Variants in SSBP2 observed in about 807,000 individuals in gnomAD.
SSBP2 encodes the protein single-stranded DNA-binding protein 2.
SSBP2 carries 17 observed loss-of-function variants against 61.8 expected under a neutral mutation model. The ratio of observed to expected loss-of-function variants is 0.28; its 90% CI spans 0.19 to 0.41. SSBP2 has a LOEUF of 0.41. Ranked by LOEUF, SSBP2 falls within the 10% of genes least tolerant of loss-of-function variation. The probability of loss-of-function intolerance (pLI) is 1.00; values close to 1 mark genes in which losing one functional copy is unlikely to be tolerated. For missense variants in SSBP2, 310 were observed against 458.7 expected, an observed-to-expected ratio of 0.68 and a Z score of 2.96; for synonymous variants, 139 against 141.3, an observed-to-expected ratio of 0.98 and a Z score of 0.12.
chr5:81,468,854 A>G (rs1765061919), intron 8 of SSBP2, among the ~76,000 whole-genome samples: 1 of 152,006 alleles, frequency 6.6e-6, no homozygotes, highest in Non-Finnish European at 1.5e-5. Flanking sequence ...ATTTCTGTTC[A>G]CACTTGAGAC....
intron 4 of SSBP2, among the ~76,000 whole-genome samples, chr5:81,565,680 C>T (rs1482292269): frequency 6.6e-6 from 1 of 152,084 alleles, no homozygotes; most frequent in Non-Finnish European, 1.5e-5. Flanking sequence ...CAAGAAAGAA[C>T]CAACCGTATC....
intron 16 of SSBP2, 126 bp downstream of exon 16, chr5:81,428,459 T>C: frequency 1.6e-6 from 1 of 633,150 alleles, no homozygotes; most frequent in East Asian, 2.8e-5. Flanking sequence ...TTAAAGTTTC[T>C]CTTATCTAAA....
intron 4 of SSBP2, among the ~76,000 whole-genome samples, chr5:81,603,374 C>T (rs1455145823): frequency 6.6e-6 from 1 of 152,202 alleles, no homozygotes; most frequent in Admixed American, 6.5e-5. Flanking sequence ...CAAGAAGGCA[C>T]AGCCAGAAAG....
At chr5:81,650,082 T>C (rs984616997) in intron 2 of SSBP2, among the ~76,000 whole-genome samples, 185 bp downstream of exon 2, 12 of 151,976 alleles carry the variant, frequency 7.9e-5, no homozygotes, top group African/African-American at 2.9e-4. Flanking sequence ...GAAGATTGAG[T>C]GGCACAGAAG....
In SSBP2 at chr5:81,664,076, CTTGT is replaced by C. The variant is rs113922959; in HGVS notation, c.63-13741_63-13738del. Among the ~76,000 whole-genome samples the C allele has an allele frequency of 1.9e-3, 281 of 150,636 alleles. 1 individual carries two copies. Among genetic ancestry groups the C allele is most frequent in the African/African-American group, 6.6e-3 (270 of 41,024 alleles). ...AACTACTATAATGTACATTTTCTGT[CTTGT>C]TTATCTCTGTATGTACTTTTTTAAC... is the stretch of plus-strand genomic sequence containing the variant. On this transcript the variant is annotated intron_variant, in intron 1 of 16. Coordinates refer to ENST00000320672, the MANE Select transcript of SSBP2 (RefSeq NM_012446.5).
At chr5:81,638,587 T>A (rs970718188) in intron 2 of SSBP2, among the ~76,000 whole-genome samples, 1 of 151,856 alleles carries the variant, frequency 6.6e-6, no homozygotes, top group East Asian at 1.9e-4. Flanking sequence ...TGCTATTATT[T>A]TTTTTTTCTT....
intron 4 of SSBP2, among the ~76,000 whole-genome samples, chr5:81,570,536 G>A (rs1016016988): frequency 3.3e-5 from 5 of 152,082 alleles, no homozygotes; most frequent in Non-Finnish European, 5.9e-5. Context: ...GTACAGTGAC[G>A]ACCAATCAGA....
At chr5:81,434,656 A>AAAAG (rs1762560044) in intron 15 of SSBP2, among the ~76,000 whole-genome samples, 1 of 151,190 alleles carries the variant, frequency 6.6e-6, no homozygotes, top group Non-Finnish European at 1.5e-5. Flanking sequence ...AAAAAAAAAA[A>AAAAG]AGACACAAAA....
intron 16 of SSBP2, among the ~76,000 whole-genome samples, chr5:81,425,332 CA>C (rs1454686333): frequency 6.6e-6 from 1 of 152,038 alleles, no homozygotes; most frequent in Non-Finnish European, 1.5e-5. Flanking sequence ...CTGAGCTAAA[CA>C]AAAGTGACAT....
Position 81,446,444 on chromosome 5 carries a change from ACTT to A in SSBP2, c.778+421_778+423del, listed in dbSNP as rs1231073970. Among the ~76,000 whole-genome samples the A allele has an allele frequency of 4.6e-5, 7 of 151,326 alleles. No individual in the cohort carries two copies. In the South Asian group the frequency reaches 6.2e-4, roughly 13 times the overall value. On this transcript the variant is annotated intron_variant, in intron 12 of 16. Coordinates refer to ENST00000320672, the MANE Select transcript of SSBP2 (RefSeq NM_012446.5). Reference sequence around the variant, plus strand: ...ATGTAGGGTAAATAATACTGTAAGTACTTCTTCATCCTTCATTCATCTTAGTAA... The same window carrying A: ...ATGTAGGGTAAATAATACTGTAAGTACTTCATCCTTCATTCATCTTAGTAA...
chr5:81,738,347 A>G (rs1756762582), intron 1 of SSBP2, among the ~76,000 whole-genome samples: 1 of 152,152 alleles, frequency 6.6e-6, no homozygotes, highest in Admixed American at 6.5e-5. Flanking sequence ...GAAATAATAA[A>G]CTAAACCTTG....
intron 2 of SSBP2, among the ~76,000 whole-genome samples, chr5:81,640,409 G>C (rs1343450504): frequency 6.6e-6 from 1 of 151,772 alleles, no homozygotes; most frequent in Non-Finnish European, 1.5e-5. Flanking sequence ...AAAATTCCAG[G>C]GATTAAGGAA....
intron 1 of SSBP2, among the ~76,000 whole-genome samples, chr5:81,741,051 T>C (rs186936233): frequency 7.3e-4 from 110 of 150,696 alleles, no homozygotes; most frequent in African/African-American, 2.2e-3. Flanking sequence ...TGAGTCAAAA[T>C]AGTTAAAATG....
chr5:81,512,511 A>G (rs1282889339), intron 5 of SSBP2, among the ~76,000 whole-genome samples: 1 of 152,148 alleles, frequency 6.6e-6, no homozygotes, highest in Non-Finnish European at 1.5e-5. Flanking sequence ...CTATTCCTAG[A>G]TTATAAGATA....
At chr5:81,504,512 T>C (rs2154074722) in intron 5 of SSBP2, among the ~76,000 whole-genome samples, 1 of 152,334 alleles carries the variant, frequency 6.6e-6, no homozygotes, top group South Asian at 2.1e-4. Flanking sequence ...TTGCACTTGT[T>C]TGTCCCTTAA....
chr5:81,444,257 C>T (rs924692968), intron 12 of SSBP2, among the ~76,000 whole-genome samples: 1 of 152,184 alleles, frequency 6.6e-6, no homozygotes, highest in African/African-American at 2.4e-5. Flanking sequence ...ATACTCCTGT[C>T]AACCCAGGCT....
intron 4 of SSBP2, chr5:81,614,966 C>CT (rs1298024798): frequency 6.6e-6 from 1 of 152,570 alleles, no homozygotes; most frequent in African/African-American, 2.4e-5. Flanking sequence ...GAATCTTCTA[C>CT]TCTTGTCTGG....
chr5:81,489,456 T>C, intron 5 of SSBP2, 147 bp from the exon 6 acceptor site: 2 of 621,096 alleles, frequency 3.2e-6, no homozygotes, highest in Non-Finnish European at 5.2e-6. Context: ...AATAAATGCT[T>C]TTAAGAAAAA....
At chr5:81,421,349 T>C (rs1189736454) in intron 16 of SSBP2, among the ~76,000 whole-genome samples, 1 of 152,110 alleles carries the variant, frequency 6.6e-6, no homozygotes, top group Non-Finnish European at 1.5e-5. Flanking sequence ...CACGCCACCA[T>C]GCATGGCTAA....
Sources: allele counts gnomAD v4.1 joint callset (sites outside exome capture counted in the v4.1 genomes callset), GRCh38; gene constraint gnomAD v4.1.1; transcripts MANE v1.5; gene names NCBI Gene and HGNC (gene_info 2026-07-23, HGNC 2026-07-21).